Variants in PBX1 observed in about 807,000 individuals in gnomAD.
The protein encoded by PBX1 is pre-B-cell leukemia transcription factor 1.
In PBX1, 6 loss-of-function variants were observed where a neutral mutation model predicts 53.4. The ratio of observed to expected loss-of-function variants is 0.11; its 90% confidence interval spans 0.06 to 0.22. The LOEUF is 0.22. Ranked by LOEUF, PBX1 falls within the 10% of genes least tolerant of loss-of-function variation. The probability of loss-of-function intolerance (pLI) is 1.00; values close to 1 mark genes in which losing one functional copy is unlikely to be tolerated. For missense variants in PBX1, 251 were observed against 551.4 expected, an observed-to-expected ratio of 0.46 and a Z score of 5.46; for synonymous variants, 204 against 212.3, an observed-to-expected ratio of 0.96 and a Z score of 0.34.
At chr1:164,733,943 A>AT (rs1441472063) in intron 2 of PBX1, among the ~76,000 whole-genome samples, 2 of 152,072 alleles carry the variant, frequency 1.3e-5, no homozygotes, top group African/African-American at 4.8e-5. Flanking sequence ...TGTTCTACTA[A>AT]TTTTTTTCTG....
At chr1:164,663,252 G>GCCTTCCTTCCTTCCTGCCTT (rs1325312831) in intron 2 of PBX1, among the ~76,000 whole-genome samples, 2 of 90,284 alleles carry the variant, frequency 2.2e-5, no homozygotes, top group Non-Finnish European at 4.6e-5. Flanking sequence ...CTGCCTTCCT[G>GCCTTCCTTCCTTCCTGCCTT]CCTGCCTGCC....
intron 2 of PBX1, among the ~76,000 whole-genome samples, chr1:164,614,878 A>T (rs1657166560): frequency 6.6e-6 from 1 of 152,070 alleles, no homozygotes; most frequent in African/African-American, 2.4e-5. Context: ...GGTTCAAGCG[A>T]TTCTCTTGCC....
chr1:164,562,989 C>T, intron 1 of PBX1: 1 of 251,448 alleles, frequency 4.0e-6, no homozygotes, highest in Non-Finnish European at 7.5e-6. Flanking sequence ...AACCCTTTCC[C>T]TAAATGGGCA....
intron 2 of PBX1, among the ~76,000 whole-genome samples, chr1:164,622,605 C>G (rs1175386822): frequency 1.3e-5 from 2 of 152,100 alleles, no homozygotes; most frequent in Non-Finnish European, 2.9e-5. Flanking sequence ...AATTCTCTAC[C>G]CATCATGTAC....
chr1:164,589,609 G>A (rs1655218055), intron 2 of PBX1, among the ~76,000 whole-genome samples: 1 of 152,156 alleles, frequency 6.6e-6, no homozygotes, highest in Admixed American at 6.5e-5. Context: ...AAGGTGAGTT[G>A]TTTATTGCCA....
chr1:164,697,867 GT>G (rs1208130014), intron 2 of PBX1, among the ~76,000 whole-genome samples: 1 of 152,170 alleles, frequency 6.6e-6, no homozygotes, highest in Non-Finnish European at 1.5e-5. Flanking sequence ...GGTTTAGATT[GT>G]TTGTGATATT....
In PBX1 at chr1:164,726,505, C is replaced by T. The variant is rs538317022; in HGVS notation, c.266-65989C>T. Among the ~76,000 whole-genome samples the T allele has an allele frequency of 2.6e-5, 4 of 152,312 alleles. No individual in the cohort carries two copies. The South Asian group carries it at 8.3e-4, about 32-fold the overall frequency. On this transcript the variant is annotated intron_variant, in intron 2 of 8. Coordinates refer to ENST00000420696, the MANE Select transcript of PBX1 (RefSeq NM_002585.4). ...GCTGGAACCAATGAATTAACCAAAACATCCTGGTCACATCTGGGATATAAA... is the reference window on the plus strand; with the variant it reads ...GCTGGAACCAATGAATTAACCAAAATATCCTGGTCACATCTGGGATATAAA...
At chr1:164,770,383 T>A (rs1667302757) in intron 2 of PBX1, 1 of 152,224 alleles carries the variant, frequency 6.6e-6, no homozygotes, top group Middle Eastern at 3.2e-3. Context: ...ATCTTCATAA[T>A]CAGTGTCACC....
chr1:164,770,245 A>G (rs1667295616), intron 2 of PBX1: 1 of 152,216 alleles, frequency 6.6e-6, no homozygotes, highest in African/African-American at 2.4e-5. Flanking sequence ...TCCCAGACCC[A>G]TCTCTGCTCT....
intron 2 of PBX1, among the ~76,000 whole-genome samples, chr1:164,624,092 T>A (rs945442951): frequency 3.3e-5 from 5 of 152,226 alleles, no homozygotes; most frequent in African/African-American, 1.2e-4. Flanking sequence ...ATCATTCCAC[T>A]GTCCTAAAAC....
intron 2 of PBX1, among the ~76,000 whole-genome samples, chr1:164,584,018 T>C (rs1654795707): frequency 6.6e-6 from 1 of 152,108 alleles, no homozygotes; most frequent in Non-Finnish European, 1.5e-5. Context: ...GATGGTAAGG[T>C]CCTAGTGAGC....
intron 2 of PBX1, among the ~76,000 whole-genome samples, chr1:164,713,643 G>A (rs980045212): frequency 6.6e-6 from 1 of 152,130 alleles, no homozygotes; most frequent in Non-Finnish European, 1.5e-5. Flanking sequence ...TCAGGTGGTG[G>A]GAAAGAGGGG....
chr1:164,634,790 C>G (rs961003150), intron 2 of PBX1, among the ~76,000 whole-genome samples: 2 of 152,148 alleles, frequency 1.3e-5, no homozygotes, highest in Admixed American at 1.3e-4. Flanking sequence ...AATGATTACT[C>G]TCAGTTATTT....
chr1:164,712,078 G>GT (rs1663823327), intron 2 of PBX1, among the ~76,000 whole-genome samples: 1 of 149,784 alleles, frequency 6.7e-6, no homozygotes, highest in South Asian at 2.2e-4. Flanking sequence ...AAGGGTCATG[G>GT]TTGGTGACTG....
intron 2 of PBX1, among the ~76,000 whole-genome samples, chr1:164,576,100 AG>A (rs1240992277): frequency 6.6e-6 from 1 of 152,232 alleles, no homozygotes; most frequent in Non-Finnish European, 1.5e-5. Context: ...AAGGAGTTTA[AG>A]GGGATGCATC....
chr1:164,776,581 T>C (rs1048472637), intron 2 of PBX1, among the ~76,000 whole-genome samples: 2 of 152,198 alleles, frequency 1.3e-5, no homozygotes, highest in Non-Finnish European at 2.9e-5. Flanking sequence ...TCTAGGGAAA[T>C]ACTTGTCCCT....
At chr1:164,567,853 C>T (rs150118453) in intron 2 of PBX1, among the ~76,000 whole-genome samples, 35 of 152,036 alleles carry the variant, frequency 2.3e-4, no homozygotes, top group African/African-American at 7.2e-4. Context: ...GACATGAGAG[C>T]GATTTAGGTT....
intron 2 of PBX1, chr1:164,770,455 T>C (rs1667307862): frequency 6.6e-6 from 1 of 152,214 alleles, no homozygotes; most frequent in South Asian, 2.1e-4. Flanking sequence ...TCTTGACCAT[T>C]GCAGGCTAGT....
intron 2 of PBX1, chr1:164,605,147 T>C (rs535606967): frequency 1.3e-5 from 2 of 152,248 alleles, no homozygotes; most frequent in African/African-American, 2.4e-5. Context: ...GGGCACCTTA[T>C]TGTCTTGGTG....
Sources: allele counts gnomAD v4.1 joint callset (sites outside exome capture counted in the v4.1 genomes callset), GRCh38; gene constraint gnomAD v4.1.1; transcripts MANE v1.5; gene names NCBI Gene and HGNC (gene_info 2026-07-23, HGNC 2026-07-21).